HIVEP3: variants seen among roughly 807,000 people sequenced by gnomAD.
HIVEP3 encodes transcription factor HIVEP3.
In HIVEP3, 49 loss-of-function variants were observed where a neutral mutation model predicts 152.8. The observed-to-expected ratio is 0.32, with a 90% CI of 0.26 to 0.41. HIVEP3 has a LOEUF of 0.41. HIVEP3 is among the 10% of genes least tolerant of loss of function. The pLI, the probability that HIVEP3 is intolerant of heterozygous loss-of-function variation, is 1.00. For missense variants in HIVEP3, 2,790 were observed against 3,103.3 expected (o/e 0.90, Z 2.40); for synonymous variants, 1,269 against 1,289.0 (o/e 0.98, Z 0.33).
At chr1:41,847,863 T>A (rs891715133) in intron 1 of HIVEP3, 1 of 152,546 alleles carries the variant, frequency 6.6e-6, no homozygotes, top group Non-Finnish European at 1.5e-5. Flanking sequence ...TCAGCTGGGA[T>A]TGGGCAGGGG....
chr1:41,743,409 G>A (rs181357926), intron 1 of HIVEP3, among the ~76,000 whole-genome samples: 6 of 152,324 alleles, frequency 3.9e-5, no homozygotes, highest in Admixed American at 6.5e-5. Flanking sequence ...GACAGAGCCT[G>A]ACATCTGGCA....
At chr1:41,737,956 G>A (rs1159615069) in intron 1 of HIVEP3, among the ~76,000 whole-genome samples, 1 of 152,198 alleles carries the variant, frequency 6.6e-6, no homozygotes, top group Non-Finnish European at 1.5e-5. Context: ...TGCTGTACCT[G>A]TTCTGTTCTG....
At chr1:41,622,273 A>C (rs1645057233) in intron 3 of HIVEP3, among the ~76,000 whole-genome samples, 1 of 152,202 alleles carries the variant, frequency 6.6e-6, no homozygotes, top group African/African-American at 2.4e-5. Context: ...AGAATCCCAG[A>C]GTAAAGGTCC....
intron 1 of HIVEP3, among the ~76,000 whole-genome samples, chr1:41,843,085 T>C (rs1643336873): frequency 6.6e-6 from 1 of 152,172 alleles, no homozygotes; most frequent in Admixed American, 6.5e-5. Context: ...CCGTTCCCCG[T>C]TACCAAGCAC....
At chr1:41,825,660 C>T (rs1203825143) in intron 1 of HIVEP3, among the ~76,000 whole-genome samples, 3 of 151,892 alleles carry the variant, frequency 2.0e-5, no homozygotes, top group East Asian at 3.9e-4. Flanking sequence ...GGTTGGAGTG[C>T]GGTAGTGTGA....
intron 1 of HIVEP3, among the ~76,000 whole-genome samples, chr1:41,857,983 A>ATC (rs56967197): frequency 9.4e-5 from 14 of 148,540 alleles, no homozygotes; most frequent in South Asian, 2.2e-4. Flanking sequence ...CAATCAATCA[A>ATC]TCTCTCTCTC....
chr1:42,030,536 G>A lies in HIVEP3; in HGVS notation n.119+5271C>T, dbSNP rs981377350. Among the ~76,000 whole-genome samples the A allele has an allele frequency of 1.3e-5, 2 of 152,264 alleles. 1 individual carries two copies. Among genetic ancestry groups the A allele is most frequent in the South Asian group, 4.1e-4 (2 of 4,828 alleles). On this transcript the variant is annotated intron_variant and non_coding_transcript_variant, in intron 1 of 3. Coordinates refer to the HIVEP3 transcript ENST00000489103. The stretch of plus-strand genomic sequence containing the variant: ...ACCAAGGAGGTTTAAAAAGAAAGAA[G>A]TGTGTCTCTAATCACTGTACTTTCC...
chr1:41,742,101 T>C (rs1570439962), intron 1 of HIVEP3, among the ~76,000 whole-genome samples: 1 of 152,242 alleles, frequency 6.6e-6, no homozygotes, highest in African/African-American at 2.4e-5. Context: ...ATCCAGCCTC[T>C]ACAGCCAGAA....
chr1:41,703,059 C>G (rs562285107), intron 1 of HIVEP3, among the ~76,000 whole-genome samples: 2 of 152,096 alleles, frequency 1.3e-5, no homozygotes, highest in Non-Finnish European at 1.5e-5. Context: ...TTAGTCTCCA[C>G]GAAAATTTTG....
At chr1:41,911,005 A>C (rs1418312851) in intron 1 of HIVEP3, among the ~76,000 whole-genome samples, 1 of 152,144 alleles carries the variant, frequency 6.6e-6, no homozygotes, top group Non-Finnish European at 1.5e-5. Context: ...GGAAAGATTG[A>C]TAAATTTTAT....
intron 1 of HIVEP3, among the ~76,000 whole-genome samples, chr1:41,807,848 G>T (rs1326752119): frequency 1.3e-5 from 2 of 152,170 alleles, no homozygotes; most frequent in African/African-American, 4.8e-5. Context: ...AGGGGACAAA[G>T]ATCAGGGCAA....
At chr1:42,025,663 G>C (rs535945934) in intron 1 of HIVEP3, among the ~76,000 whole-genome samples, 4 of 152,224 alleles carry the variant, frequency 2.6e-5, no homozygotes, top group Non-Finnish European at 2.9e-5. Flanking sequence ...CCAGGTATCT[G>C]GGAGTGGGGT....
intron 1 of HIVEP3, among the ~76,000 whole-genome samples, chr1:41,736,824 GGT>G (rs1356169494): frequency 6.6e-6 from 1 of 152,200 alleles, no homozygotes; most frequent in African/African-American, 2.4e-5. Flanking sequence ...GGGGCAGGAT[GGT>G]GGCCTGTCAG....
chr1:41,712,829 G>C (rs1475113480), intron 1 of HIVEP3, among the ~76,000 whole-genome samples: 1 of 152,180 alleles, frequency 6.6e-6, no homozygotes, highest in Non-Finnish European at 1.5e-5. Context: ...CCAGGCTGGA[G>C]GCCAAAGCCA....
intron 1 of HIVEP3, among the ~76,000 whole-genome samples, chr1:42,011,329 C>T (rs1029632549): frequency 6.6e-6 from 1 of 152,176 alleles, no homozygotes; most frequent in African/African-American, 2.4e-5. Flanking sequence ...AAAATTGATA[C>T]ACTGAGTGAA....
chr1:41,565,552 A>G (rs1248530754), intron 5 of HIVEP3, among the ~76,000 whole-genome samples: 4 of 133,980 alleles, frequency 3.0e-5, no homozygotes, highest in Non-Finnish European at 4.9e-5. Context: ...ACACACACAC[A>G]CACAGAGAGA....
intron 1 of HIVEP3, among the ~76,000 whole-genome samples, chr1:41,821,435 G>C (rs1402471660): frequency 6.6e-6 from 1 of 152,084 alleles, no homozygotes; most frequent in Non-Finnish European, 1.5e-5. Flanking sequence ...AGCTTTTTGG[G>C]CCTATGTCAA....
chr1:41,578,031 T>C (rs1644351914), intron 4 of HIVEP3, among the ~76,000 whole-genome samples: 1 of 152,262 alleles, frequency 6.6e-6, no homozygotes, highest in Non-Finnish European at 1.5e-5. Context: ...TTAAATGGCC[T>C]GTAACATTTT....
chr1:41,884,202 G>C (rs1644307308), intron 1 of HIVEP3, among the ~76,000 whole-genome samples: 1 of 152,200 alleles, frequency 6.6e-6, no homozygotes, highest in African/African-American at 2.4e-5. Context: ...CTGGTCTCAA[G>C]TGATCCACCC....
Sources: allele counts gnomAD v4.1 joint callset (sites outside exome capture counted in the v4.1 genomes callset), GRCh38; gene constraint gnomAD v4.1.1; transcripts MANE v1.5; gene names NCBI Gene and HGNC (gene_info 2026-07-23, HGNC 2026-07-21).